Variants in CAPN13 observed in about 807,000 individuals in gnomAD.
The protein encoded by CAPN13 is calpain-13.
Under a neutral mutation model 98.4 loss-of-function variants are expected in CAPN13, and 90 were observed. That is an observed-to-expected ratio of 0.92 (90% CI 0.77 to 1.09). The LOEUF is 1.09. Ranked by LOEUF, CAPN13 falls within the 50% of genes least tolerant of loss-of-function variation. The pLI, the probability that CAPN13 is intolerant of heterozygous loss-of-function variation, is 0.00. For missense variants in CAPN13, 887 were observed against 841.3 expected (o/e 1.05, Z -0.67); for synonymous variants, 330 against 305.5 (o/e 1.08, Z -0.84).
chr2:30,734,755 G>A (rs934866599), intron 18 of CAPN13, among the ~76,000 whole-genome samples: 6 of 152,178 alleles, frequency 3.9e-5, no homozygotes, highest in Admixed American at 3.3e-4. Context: ...TGTGCCCCCA[G>A]ACTGGGCCCT....
chr2:30,755,332 C>T (rs1287554788), intron 8 of CAPN13, among the ~76,000 whole-genome samples: 1 of 152,108 alleles, frequency 6.6e-6, no homozygotes, highest in South Asian at 2.1e-4. Flanking sequence ...GTATTGGTTG[C>T]TATGTCTCAC....
At chr2:30,748,782 TC>T (rs1672038314) in intron 11 of CAPN13, among the ~76,000 whole-genome samples, 1 of 152,124 alleles carries the variant, frequency 6.6e-6, no homozygotes, top group South Asian at 2.1e-4. Context: ...TAAGAGATAT[TC>T]TTTGATATCA....
Position 30,741,550 on chromosome 2 carries a change from A to G in CAPN13, c.1536+358T>C. 4 of 1,070,470 alleles carry G rather than the reference A, an allele frequency of 3.7e-6. No homozygotes were observed. The South Asian group carries it at 1.3e-4, about 36-fold the overall frequency. The allele number at this position is 1,070,470 out of a possible 1,614,324, so 66.3% of individuals were successfully genotyped here. On this transcript the variant is annotated intron_variant, in intron 15 of 22. Transcript: ENST00000295055. ...AGCTGGCTAGCTCCCGGGAGGAACG[A>G]TGCCAGGTTGGTGGGAGGTGGCCGA...
chr2:30,770,458 G>A lies in CAPN13; in HGVS notation c.388-9C>T, dbSNP rs770418596. 1 of 1,613,374 alleles carries A rather than the reference G, an allele frequency of 6.2e-7. No homozygotes were observed. The highest frequency in any genetic ancestry group is 1.3e-5 in the African/African-American group (1 of 74,940). On this transcript the variant is annotated splice_polypyrimidine_tract_variant and intron_variant, in intron 4 of 22. Coordinates refer to ENST00000295055, the MANE Select transcript of CAPN13 (RefSeq NM_144575.3). ...TGGCCACATTGCCAGAACTGGAAGA[G>A]AGCCAAGCATATGCTTTGACAGAGT...
At chr2:30,793,190 CAAG>C (rs1371341224) in intron 1 of CAPN13, among the ~76,000 whole-genome samples, 1 of 151,670 alleles carries the variant, frequency 6.6e-6, no homozygotes, top group African/African-American at 2.4e-5. Context: ...AGATCAGAAA[CAAG>C]AAGGTCCTAT....
rs1039982479 is a variant in CAPN13 at position 30,722,928 on chromosome 2, G to T, written c.*339C>A. The T allele has an allele frequency of 1.3e-5, 2 of 152,266 alleles. No individual in the cohort carries two copies. Among genetic ancestry groups the T allele is most frequent in the African/African-American group, 2.4e-5 (1 of 41,464 alleles). The allele number at this position is 152,266 out of a possible 1,614,324, so 9.4% of individuals were successfully genotyped here. ...AAGTGGCTCATTCTGGCTCTTCCAA[G>T]AAATGAATCCAACTGGTGACAGGGG... On this transcript the variant is annotated 3_prime_UTR_variant, in exon 23 of 23. Coordinates refer to ENST00000295055, the MANE Select transcript of CAPN13 (RefSeq NM_144575.3).
intron 8 of CAPN13, among the ~76,000 whole-genome samples, chr2:30,756,406 G>A (rs915774969): frequency 1.3e-5 from 2 of 152,160 alleles, no homozygotes; most frequent in Non-Finnish European, 2.9e-5. Context: ...TCCCATCCAT[G>A]AAGCTTTCCC....
rs377697181 is a variant in CAPN13, at chr2:30,753,020, G to A, written c.1087+33C>T. The A allele has an allele frequency of 1.9e-6, 3 of 1,611,752 alleles. No individual in the cohort carries two copies. In the South Asian group the frequency reaches 3.3e-5, roughly 18 times the overall value. ...GCTGGGCTGGGGCAGCCAGCTTCCA[G>A]TTGGGCAGTGTGACCACCAGCGTCA... On this transcript the variant is annotated intron_variant, in intron 10 of 22. Coordinates refer to ENST00000295055, the MANE Select transcript of CAPN13 (RefSeq NM_144575.3).
In CAPN13 at chr2:30,739,748, C is replaced by T. The variant is rs559491773; in HGVS notation, c.1537-1291G>A. Among the ~76,000 whole-genome samples, 664 of 152,216 alleles carry T rather than the reference C, an allele frequency of 4.4e-3. 5 individuals carry two copies. The highest frequency in any genetic ancestry group is 0.015 in the African/African-American group (642 of 41,542). The stretch of plus-strand genomic sequence containing the variant: ...ATTCCCATGTGAGGACAGAGCCTGC[C>T]CCGGGTCCTGCACTTCATAACCAAC... On this transcript the variant is annotated intron_variant, in intron 15 of 22. Transcript: ENST00000295055.
chr2:30,764,330 C>A (rs776273461), intron 5 of CAPN13, 24 bp from the exon 6 acceptor site: 1 of 1,610,068 alleles, frequency 6.2e-7, no homozygotes, highest in Non-Finnish European at 8.5e-7. Flanking sequence ...GGGGATGAAC[C>A]ATCGTGGTGC....
intron 5 of CAPN13, among the ~76,000 whole-genome samples, chr2:30,766,413 G>A (rs1007734023): frequency 4.6e-5 from 7 of 152,206 alleles, no homozygotes; most frequent in Non-Finnish European, 8.8e-5. Context: ...TATCCACAAC[G>A]CCCATGAAAC....
At chr2:30,799,104 T>C (rs918143343) in intron 1 of CAPN13, among the ~76,000 whole-genome samples, 1 of 146,996 alleles carries the variant, frequency 6.8e-6, no homozygotes, top group Non-Finnish European at 1.5e-5. Context: ...AGAGAGAGAA[T>C]GAAGCAGAGA....
chr2:30,770,185 G>T lies in CAPN13; in HGVS notation c.524+128C>A, dbSNP rs1459496367. 12 of 1,274,144 alleles carry T rather than the reference G, an allele frequency of 9.4e-6. No homozygotes were observed. The South Asian group carries it at 1.8e-4, about 19-fold the overall frequency. The allele number at this position is 1,274,144 out of a possible 1,614,324, so 78.9% of individuals were successfully genotyped here. A position where few individuals can be genotyped will look rare whatever the true frequency, so the allele number is the denominator to read the frequency against. On this transcript the variant is annotated intron_variant, in intron 5 of 22. Coordinates refer to ENST00000295055, the MANE Select transcript of CAPN13 (RefSeq NM_144575.3). ...GCCCCAACATGGACCTTTGCACGTG[G>T]TGATTGTTTATGGAGATGCCCAGCC...
At position 30,751,224 on chromosome 2, in the gene CAPN13, T is replaced by C. The variant is rs1223296999; in HGVS notation, c.1115A>G (p.Asn372Ser). The C allele has an allele frequency of 2.5e-6, 4 of 1,613,784 alleles. No individual in the cohort carries two copies. The highest frequency in any genetic ancestry group is 3.4e-6 in the Non-Finnish European group (4 of 1,179,876). Residue 372 changes from asparagine (N) to serine (S), a missense_variant, in exon 11 of 23, where the codon AAC (asparagine) becomes AGC (serine). Asn to Ser is a conservative substitution (Grantham distance 46). Transcript: ENST00000295055. Reference protein sequence around the residue: ...AGGPRNDAQFNFSVQEPMEGT... With the variant: ...AGGPRNDAQFSFSVQEPMEGT... ...TTCCATTGGCTCTTGCACAGAGAAGTTGAATTGAGCATCATTCCGAGGTCC... is the reference window on the plus strand; with the variant it reads ...TTCCATTGGCTCTTGCACAGAGAAGCTGAATTGAGCATCATTCCGAGGTCC...
intron 1 of CAPN13, among the ~76,000 whole-genome samples, chr2:30,804,011 CAG>C (rs916913638): frequency 1.3e-5 from 2 of 152,198 alleles, no homozygotes; most frequent in Admixed American, 1.3e-4. Context: ...CCTTATACTG[CAG>C]AGTTTTTTAT....
intron 22 of CAPN13, among the ~76,000 whole-genome samples, chr2:30,723,473 C>T (rs1670759160): frequency 2.0e-5 from 3 of 152,318 alleles, no homozygotes; most frequent in South Asian, 4.1e-4. Context: ...CACCCCCCCA[C>T]CTGTCCTGCC....
chr2:30,796,761 T>C (rs1202869722), intron 1 of CAPN13, among the ~76,000 whole-genome samples: 1 of 152,234 alleles, frequency 6.6e-6, no homozygotes, highest in Non-Finnish European at 1.5e-5. Context: ...GAAAATATTT[T>C]GTACGCCTCA....
At chr2:30,787,644 A>T (rs1295730130) in intron 1 of CAPN13, among the ~76,000 whole-genome samples, 1 of 152,220 alleles carries the variant, frequency 6.6e-6, no homozygotes, top group Non-Finnish European at 1.5e-5. Context: ...GAGCACTGCC[A>T]GGTGAAGAAC....
chr2:30,787,204 G>T lies in CAPN13; in HGVS notation c.122C>A (p.Pro41His). 6.2e-7 allele frequency: 1 copy of T among 1,606,136 alleles called. No individual in the cohort carries two copies. The highest frequency in any genetic ancestry group is 2.2e-5 in the East Asian group (1 of 44,664). ...MGRTFKDETF[P>H]AADSSIGQKL... ...CTGGCCTATGGAAGAATCTGCTGCAGGGAATGTCTCATCCTTAAACGTCCG... is the reference window on the plus strand; with the variant it reads ...CTGGCCTATGGAAGAATCTGCTGCATGGAATGTCTCATCCTTAAACGTCCG... Residue 41 changes from proline (P) to histidine (H), a missense_variant, in exon 2 of 23, where the codon CCT (proline) becomes CAT (histidine). Physicochemically the swap from Pro to His is moderately conservative, Grantham distance 77 (BLOSUM62 -2). Coordinates refer to ENST00000295055, the MANE Select transcript of CAPN13 (RefSeq NM_144575.3).
Sources: gnomAD v4.1 joint callset for allele counts (sites outside exome capture counted in the v4.1 genomes callset) on GRCh38, gnomAD v4.1.1 for gene constraint, MANE v1.5 for transcripts, NCBI Gene and HGNC (gene_info 2026-07-23, HGNC 2026-07-21) for gene names.